The following TBC1D9 variants were observed in gnomAD, a reference collection of about 807,000 sequenced individuals.
The protein encoded by TBC1D9 is TBC1 domain family member 9.
TBC1D9 carries 63 observed loss-of-function variants against 132.0 expected under a neutral mutation model. The ratio of observed to expected loss-of-function variants is 0.48; its 90% CI spans 0.39 to 0.59. The LOEUF is 0.59. Among genes scored for constraint, TBC1D9 ranks in the 20% least tolerant of loss-of-function variants. The pLI, the probability that TBC1D9 is intolerant of heterozygous loss-of-function variation, is 0.00. For missense variants in TBC1D9, 1,261 were observed against 1,592.7 expected (o/e 0.79, Z 3.54); for synonymous variants, 610 against 609.9 (o/e 1.00, Z 0.00).
chr4:140,701,876 C>A (rs1738075406), intron 1 of TBC1D9, among the ~76,000 whole-genome samples: 1 of 152,150 alleles, frequency 6.6e-6, no homozygotes, highest in Non-Finnish European at 1.5e-5. Context: ...CCCCACTTTC[C>A]ATTTATGTTT....
intron 1 of TBC1D9, among the ~76,000 whole-genome samples, chr4:140,742,635 T>C (rs546339833): frequency 6.6e-4 from 100 of 152,132 alleles, no homozygotes; most frequent in African/African-American, 2.4e-3. Flanking sequence ...GGTGGGTTAT[T>C]GACTTCTTCA....
At chr4:140,734,152 T>C (rs1353770950) in intron 1 of TBC1D9, among the ~76,000 whole-genome samples, 3 of 152,194 alleles carry the variant, frequency 2.0e-5, no homozygotes, top group African/African-American at 4.8e-5. Context: ...TCTGATTTTT[T>C]TGAGACACAG....
intron 2 of TBC1D9, among the ~76,000 whole-genome samples, chr4:140,691,790 C>T (rs1244624048): frequency 6.6e-6 from 1 of 152,144 alleles, no homozygotes; most frequent in East Asian, 1.9e-4. Context: ...AAATATATAC[C>T]TGGGCAAACT....
chr4:140,667,990 A>G (rs144516094), intron 9 of TBC1D9, among the ~76,000 whole-genome samples: 504 of 152,334 alleles, frequency 3.3e-3, no homozygotes, highest in Middle Eastern at 6.8e-3. Flanking sequence ...TTTTAATAAT[A>G]GCATTTGTGT....
At chr4:140,717,618 A>T (rs751030455) in intron 1 of TBC1D9, among the ~76,000 whole-genome samples, 38 of 152,220 alleles carry the variant, frequency 2.5e-4, no homozygotes, top group Non-Finnish European at 5.4e-4. Context: ...TCATCTCAGA[A>T]CTTGCTGGCT....
At chr4:140,704,739 C>T (rs1483974708) in intron 1 of TBC1D9, among the ~76,000 whole-genome samples, 2 of 152,198 alleles carry the variant, frequency 1.3e-5, no homozygotes, top group Non-Finnish European at 2.9e-5. Flanking sequence ...ACAATGTTCC[C>T]AACTAAAATC....
intron 3 of TBC1D9, among the ~76,000 whole-genome samples, chr4:140,681,946 T>C (rs886198034): frequency 3.3e-5 from 5 of 152,244 alleles, no homozygotes; most frequent in Non-Finnish European, 7.3e-5. Flanking sequence ...AGCATGTTTA[T>C]ATGTCCTTCT....
At chr4:140,643,255 C>A in intron 13 of TBC1D9, 1 of 1,311,594 alleles carries the variant, frequency 7.6e-7, no homozygotes, top group Non-Finnish European at 1.1e-6. Flanking sequence ...AGCTCCAGCT[C>A]TGCGATCTCG....
chr4:140,640,877 A>G (rs1277599582), intron 13 of TBC1D9, among the ~76,000 whole-genome samples: 1 of 133,272 alleles, frequency 7.5e-6, no homozygotes, highest in Non-Finnish European at 1.5e-5. Flanking sequence ...CCCAAGAAGC[A>G]TATACATATA....
chr4:140,694,633 A>C (rs537730677), intron 2 of TBC1D9, among the ~76,000 whole-genome samples: 1 of 150,330 alleles, frequency 6.7e-6, no homozygotes, highest in South Asian at 2.1e-4. Flanking sequence ...TTGACATAAA[A>C]ATTATTTTCA....
chr4:140,672,207 T>C (rs1737548270), intron 6 of TBC1D9, among the ~76,000 whole-genome samples: 1 of 149,856 alleles, frequency 6.7e-6, no homozygotes, highest in Non-Finnish European at 1.5e-5. Context: ...AATATATGTG[T>C]TAATATATGA....
chr4:140,655,924 A>T (rs894086386), intron 13 of TBC1D9, among the ~76,000 whole-genome samples: 3 of 151,888 alleles, frequency 2.0e-5, no homozygotes, highest in Admixed American at 2.0e-4. Context: ...CCCCATCCCT[A>T]CTCTCAACAG....
rs374302708 is a variant in TBC1D9, at chr4:140,661,861, T to A, written c.1803+32A>T. On this transcript the variant is annotated intron_variant, in intron 10 of 20. Coordinates refer to ENST00000442267, the MANE Select transcript of TBC1D9 (RefSeq NM_015130.3). ...CCAAATGAATAGAAATTTTATTTTA[T>A]TTTTTTAGCAAAAACCACCTGTGAC... 7.3e-5 allele frequency: 113 copies of A among 1,550,334 alleles called. No homozygotes were observed. The African/African-American group carries it at 1.2e-3, about 17-fold the overall frequency.
intron 11 of TBC1D9, 145 bp from the exon 12 acceptor site, chr4:140,657,957 G>T: frequency 1.1e-6 from 1 of 875,808 alleles, no homozygotes. Flanking sequence ...AGACCAAGGT[G>T]TCAACACAGC....
intron 5 of TBC1D9, 56 bp from the exon 6 acceptor site, chr4:140,677,157 T>G: frequency 6.3e-7 from 1 of 1,592,826 alleles, no homozygotes. Flanking sequence ...CCTTCTAAAT[T>G]ATGCAGCAGC....
chr4:140,668,644 T>C (rs1047965318), intron 9 of TBC1D9, among the ~76,000 whole-genome samples: 6 of 152,234 alleles, frequency 3.9e-5, no homozygotes, highest in African/African-American at 1.4e-4. Flanking sequence ...TTCTCTTTTA[T>C]TCCTAAATAG....
At chr4:140,733,756 C>G (rs1560899663) in intron 1 of TBC1D9, among the ~76,000 whole-genome samples, 1 of 152,126 alleles carries the variant, frequency 6.6e-6, no homozygotes, top group East Asian at 1.9e-4. Flanking sequence ...CTGTTTAACT[C>G]TATATGTGAC....
chr4:140,627,860 C>T (rs1265543291), intron 17 of TBC1D9, among the ~76,000 whole-genome samples: 1 of 152,162 alleles, frequency 6.6e-6, no homozygotes, highest in Admixed American at 6.5e-5. Flanking sequence ...CTAGTTTTAT[C>T]CTACCTCTAT....
Position 140,657,216 on chromosome 4 carries a change from T to TTCCAG in TBC1D9, c.2217_2218insCTGGA (p.Ser740LeufsTer4). The TTCCAG allele has an allele frequency of 1.2e-6, 2 of 1,613,804 alleles. No homozygotes were observed. Among genetic ancestry groups the TTCCAG allele is most frequent in the Non-Finnish European group, 1.7e-6 (2 of 1,179,806 alleles). On this transcript the variant is annotated frameshift_variant, in exon 13 of 21. Coordinates refer to ENST00000442267, the MANE Select transcript of TBC1D9 (RefSeq NM_015130.3). LOFTEE classifies it high-confidence loss of function. ...AGTGTGCTGTCTTTATTGGTCACAC[T>TTCCAG]GTCTAAATACCTGGAAGAAGAATGC...
Sources: gnomAD v4.1 joint callset for allele counts (sites outside exome capture counted in the v4.1 genomes callset) on GRCh38, gnomAD v4.1.1 for gene constraint, MANE v1.5 for transcripts, NCBI Gene and HGNC (gene_info 2026-07-23, HGNC 2026-07-21) for gene names.